CTNNA3: variants seen among roughly 807,000 people sequenced by gnomAD.
CTNNA3 encodes the protein catenin alpha-3.
In CTNNA3, 76 loss-of-function variants were observed where a neutral mutation model predicts 95.7. The observed-to-expected ratio is 0.79, with a 90% CI of 0.66 to 0.96. The LOEUF is 0.96. Ranked by LOEUF, CTNNA3 falls within the 40% of genes least tolerant of loss-of-function variation. The probability of loss-of-function intolerance (pLI) is 0.00; values close to 1 mark genes in which losing one functional copy is unlikely to be tolerated. For synonymous variants in CTNNA3, 431 were observed against 374.4 expected, an observed-to-expected ratio of 1.15 and a Z score of -1.74; for missense variants, 1,191 against 1,089.8, an observed-to-expected ratio of 1.09 and a Z score of -1.31.
At chr10:66,313,862 C>G (rs764384992) in intron 12 of CTNNA3, among the ~76,000 whole-genome samples, 5 of 152,106 alleles carry the variant, frequency 3.3e-5, no homozygotes, top group Non-Finnish European at 7.4e-5. Context: ...TACAAGAAGG[C>G]AAATGGGTCA....
intron 5 of CTNNA3, among the ~76,000 whole-genome samples, chr10:67,331,399 T>C (rs1226647883): frequency 6.6e-6 from 1 of 152,190 alleles, no homozygotes; most frequent in Non-Finnish European, 1.5e-5. Context: ...TCACAGGGAA[T>C]TATCACAAAG....
In CTNNA3 at chr10:67,279,771, C is replaced by T. The variant is rs1839324065; in HGVS notation, c.580-59901G>A. Among the ~76,000 whole-genome samples, 3 of 150,250 alleles carry T rather than the reference C, an allele frequency of 2.0e-5. 1 individual carries two copies. Among genetic ancestry groups the T allele is most frequent in the Admixed American group, 2.0e-4 (3 of 15,058 alleles). ...CACAAAATCTAACCTCCTAAAGCCA[C>T]CCAGCTAGTTCCAGTCACAGCCAGA... On this transcript the variant is annotated intron_variant, in intron 5 of 17. Coordinates refer to ENST00000433211, the MANE Select transcript of CTNNA3 (RefSeq NM_013266.4).
At chr10:66,737,458 T>C (rs2132685473) in intron 9 of CTNNA3, among the ~76,000 whole-genome samples, 1 of 152,306 alleles carries the variant, frequency 6.6e-6, no homozygotes, top group South Asian at 2.1e-4. Context: ...TGGAGCATAT[T>C]TTCAAGTAGG....
rs2133098852 is a variant in CTNNA3, at chr10:65,918,173, C to G, written c.*2157G>C. On this transcript the variant is annotated 3_prime_UTR_variant, in exon 18 of 18. Coordinates refer to ENST00000433211, the MANE Select transcript of CTNNA3 (RefSeq NM_013266.4). ...AGGTTATTTGGTAATTGTATAATTT[C>G]AAGTTATTTCTGTTCTTTTGGTGTC... 6.6e-6 allele frequency: 1 copy of G among 152,194 alleles called. No homozygotes were observed. The highest frequency in any genetic ancestry group is 2.1e-4 in the South Asian group (1 of 4,830). The allele number at this position is 152,194 out of a possible 1,614,324, so 9.4% of individuals were successfully genotyped here. A position where few individuals can be genotyped will look rare whatever the true frequency, so the allele number is the denominator to read the frequency against.
chr10:66,249,960 C>T (rs374258224), intron 13 of CTNNA3, among the ~76,000 whole-genome samples: 40 of 152,236 alleles, frequency 2.6e-4, no homozygotes, highest in African/African-American at 9.6e-4. Context: ...TAGTAGGCAG[C>T]ATTATTTATA....
chr10:66,766,523 C>T (rs1187683834), intron 8 of CTNNA3, 107 bp from the exon 9 acceptor site: 3 of 976,716 alleles, frequency 3.1e-6, no homozygotes, highest in Non-Finnish European at 4.4e-6. Flanking sequence ...CATTTTTGCA[C>T]AATTCCTAAA....
chr10:67,502,362 C>T (rs745700306), intron 5 of CTNNA3, among the ~76,000 whole-genome samples: 8 of 152,172 alleles, frequency 5.3e-5, no homozygotes, highest in Non-Finnish European at 7.3e-5. Flanking sequence ...AGAGGGGCAC[C>T]TGCCAGATGC....
At position 65,918,370 on chromosome 10, in the gene CTNNA3, G is replaced by A. The variant is rs532593106; in HGVS notation, c.*1960C>T. The A allele has an allele frequency of 1.3e-5, 2 of 152,098 alleles. No individual in the cohort carries two copies. The highest frequency in any genetic ancestry group is 3.9e-4 in the East Asian group (2 of 5,168). 9.4% of individuals were successfully genotyped at this position (152,098 alleles called of 1,614,324 possible). ...AAATTTTCTATACAGCTGGTAGTTT[G>A]GTGATTAAAAGAAAATTCCTCTCCC... On this transcript the variant is annotated 3_prime_UTR_variant, in exon 18 of 18. Coordinates refer to ENST00000433211, the MANE Select transcript of CTNNA3 (RefSeq NM_013266.4).
chr10:67,571,892 C>T (rs948376208), intron 3 of CTNNA3, among the ~76,000 whole-genome samples: 1 of 152,150 alleles, frequency 6.6e-6, no homozygotes, highest in African/African-American at 2.4e-5. Flanking sequence ...ATACTTCATT[C>T]AGCTATTGAA....
At chr10:66,717,012 G>A (rs1374024062) in intron 9 of CTNNA3, among the ~76,000 whole-genome samples, 3 of 151,220 alleles carry the variant, frequency 2.0e-5, no homozygotes, top group Non-Finnish European at 4.4e-5. Context: ...TAAGTTGGAA[G>A]CCATAAAAGC....
chr10:66,716,092 G>A (rs914997188), intron 9 of CTNNA3, among the ~76,000 whole-genome samples: 1 of 152,026 alleles, frequency 6.6e-6, no homozygotes, highest in African/African-American at 2.4e-5. Context: ...TTGCCAATAT[G>A]AAGAATTGGT....
intron 5 of CTNNA3, among the ~76,000 whole-genome samples, chr10:67,504,435 CAAAAAAAA>C (rs60719599): frequency 9.9e-4 from 16 of 16,162 alleles, no homozygotes; most frequent in African/African-American, 3.5e-3. Flanking sequence ...GACTCCATCT[CAAAAAAAA>C]AAAAAAAAAA....
chr10:67,419,393 T>G (rs1282660746), intron 5 of CTNNA3, among the ~76,000 whole-genome samples: 6 of 151,610 alleles, frequency 4.0e-5, no homozygotes, highest in Non-Finnish European at 8.8e-5. Context: ...ATACAGGGGG[T>G]TCATGTGCAG....
intron 12 of CTNNA3, among the ~76,000 whole-genome samples, chr10:66,304,685 G>A (rs928411075): frequency 5.3e-5 from 8 of 151,982 alleles, no homozygotes; most frequent in African/African-American, 1.9e-4. Flanking sequence ...ATACTCAAGA[G>A]TATCCGCCCA....
At chr10:67,242,119 AC>A (rs1338841161) in intron 5 of CTNNA3, among the ~76,000 whole-genome samples, 2 of 152,224 alleles carry the variant, frequency 1.3e-5, no homozygotes, top group African/African-American at 4.8e-5. Flanking sequence ...CTGACAAAGA[AC>A]TGTTGTAACT....
intron 13 of CTNNA3, among the ~76,000 whole-genome samples, chr10:66,204,327 A>G (rs1441516212): frequency 6.6e-6 from 1 of 152,152 alleles, no homozygotes; most frequent in African/African-American, 2.4e-5. Context: ...ACTGTTCAAA[A>G]GAATAATGAC....
chr10:66,947,388 T>A (rs1217349443), intron 7 of CTNNA3, among the ~76,000 whole-genome samples: 1 of 152,174 alleles, frequency 6.6e-6, no homozygotes, highest in Admixed American at 6.6e-5. Context: ...GAAATTACCA[T>A]TTCACTATAT....
At chr10:67,530,834 G>A (rs1008025163) in intron 4 of CTNNA3, among the ~76,000 whole-genome samples, 1 of 152,194 alleles carries the variant, frequency 6.6e-6, no homozygotes, top group African/African-American at 2.4e-5. Context: ...GCAGTTTCAT[G>A]GGCCAAGCCC....
intron 7 of CTNNA3, among the ~76,000 whole-genome samples, chr10:66,785,563 C>T (rs1840708097): frequency 2.6e-5 from 4 of 152,110 alleles, no homozygotes; most frequent in Non-Finnish European, 5.9e-5. Context: ...TGCCAGCACC[C>T]TCCCTCACCC....
Sources: gnomAD v4.1 joint callset for allele counts (sites outside exome capture counted in the v4.1 genomes callset) on GRCh38, gnomAD v4.1.1 for gene constraint, MANE v1.5 for transcripts, NCBI Gene and HGNC (gene_info 2026-07-23, HGNC 2026-07-21) for gene names.